ROBO1: variants seen among roughly 807,000 people sequenced by gnomAD.
ROBO1 encodes roundabout homolog 1.
In ROBO1, 149 loss-of-function variants were observed where a neutral mutation model predicts 195.9. The observed-to-expected ratio is 0.76, with a 90% confidence interval of 0.67 to 0.87. ROBO1 has a LOEUF of 0.87. Ranked by LOEUF, ROBO1 falls within the 40% of genes least tolerant of loss-of-function variation. ROBO1 has a pLI of 0.00. For missense variants in ROBO1, 1,933 were observed against 2,068.3 expected, an observed-to-expected ratio of 0.93 and a Z score of 1.27; for synonymous variants, 816 against 733.2, an observed-to-expected ratio of 1.11 and a Z score of -1.82.
chr3:79,327,119 G>A (rs986068552), intron 2 of ROBO1, among the ~76,000 whole-genome samples: 21 of 151,866 alleles, frequency 1.4e-4, no homozygotes, highest in African/African-American at 5.1e-4. Context: ...AAACAAATAG[G>A]AAGACTTAAG....
intron 2 of ROBO1, among the ~76,000 whole-genome samples, chr3:79,271,642 G>C (rs1411701122): frequency 6.6e-6 from 1 of 151,896 alleles, no homozygotes; most frequent in Non-Finnish European, 1.5e-5. Context: ...GAACTCCAGT[G>C]AAAATTAATC....
chr3:78,903,573 A>G (rs1010599000), intron 4 of ROBO1, among the ~76,000 whole-genome samples: 84 of 152,094 alleles, frequency 5.5e-4, no homozygotes, highest in African/African-American at 2.0e-3. Context: ...ACACACACAC[A>G]CACACACCTT....
intron 10 of ROBO1, among the ~76,000 whole-genome samples, chr3:78,677,208 A>G (rs1708491552): frequency 1.3e-5 from 2 of 152,228 alleles, no homozygotes; most frequent in South Asian, 2.1e-4. Context: ...AGTACCAGCC[A>G]CTGCAAAAAC....
At chr3:79,332,084 AG>A (rs1394971962) in intron 2 of ROBO1, among the ~76,000 whole-genome samples, 18 of 150,384 alleles carry the variant, frequency 1.2e-4, no homozygotes, top group African/African-American at 4.4e-4. Flanking sequence ...CGAAGCTTAC[AG>A]TGAGCCGAGA....
intron 3 of ROBO1, among the ~76,000 whole-genome samples, chr3:79,109,707 C>T (rs1483067354): frequency 6.6e-6 from 1 of 151,994 alleles, no homozygotes; most frequent in East Asian, 1.9e-4. Context: ...CCGAATAGCA[C>T]TAGAATTAAA....
intron 2 of ROBO1, among the ~76,000 whole-genome samples, chr3:79,482,082 GTAT>G (rs1389344018): frequency 6.6e-5 from 10 of 152,134 alleles, no homozygotes; most frequent in African/African-American, 2.4e-4. Flanking sequence ...ATTCAAATAT[GTAT>G]TATATTTACG....
chr3:79,071,392 G>A (rs1259081359), intron 3 of ROBO1, among the ~76,000 whole-genome samples: 1 of 150,728 alleles, frequency 6.6e-6, no homozygotes, highest in African/African-American at 2.4e-5. Context: ...GTATATTTTT[G>A]GTAATTTCTT....
intron 5 of ROBO1, among the ~76,000 whole-genome samples, chr3:78,741,363 T>C (rs1036163640): frequency 6.6e-6 from 1 of 152,164 alleles, no homozygotes; most frequent in African/African-American, 2.4e-5. Context: ...TTTGCTGAGA[T>C]AAAAATATTA....
chr3:79,306,561 G>A (rs1406984587), intron 2 of ROBO1, among the ~76,000 whole-genome samples: 2 of 152,056 alleles, frequency 1.3e-5, no homozygotes, highest in African/African-American at 4.8e-5. Flanking sequence ...CTGGGGCTCC[G>A]GCTTCTTTAC....
At chr3:79,530,307 G>T (rs1294970119) in intron 2 of ROBO1, among the ~76,000 whole-genome samples, 1 of 151,764 alleles carries the variant, frequency 6.6e-6, no homozygotes, top group South Asian at 2.1e-4. Context: ...AGGTACCACC[G>T]ACAATGACCC....
At chr3:79,740,439 T>C (rs1384417503) in intron 1 of ROBO1, among the ~76,000 whole-genome samples, 2 of 151,912 alleles carry the variant, frequency 1.3e-5, no homozygotes, top group African/African-American at 2.4e-5. Context: ...TATGAAGAAA[T>C]ACATGAGACT....
At chr3:79,754,339 G>A (rs549794351) in intron 1 of ROBO1, among the ~76,000 whole-genome samples, 57 of 152,292 alleles carry the variant, frequency 3.7e-4, no homozygotes, top group Admixed American at 1.2e-3. Flanking sequence ...TAACCTGAGG[G>A]TGGAAATCAC....
intron 30 of ROBO1, 122 bp downstream of exon 30, chr3:78,599,991 A>T (rs533049691): frequency 8.7e-6 from 7 of 804,842 alleles, no homozygotes; most frequent in Non-Finnish European, 1.5e-5. Flanking sequence ...GCCATCATAG[A>T]CATTAGAGTA....
intron 3 of ROBO1, among the ~76,000 whole-genome samples, chr3:79,054,786 C>T (rs1330020881): frequency 6.6e-6 from 1 of 152,102 alleles, no homozygotes; most frequent in Non-Finnish European, 1.5e-5. Flanking sequence ...ATGGAATCCC[C>T]CTGCCACAGA....
At chr3:79,445,786 C>G (rs1274620650) in intron 2 of ROBO1, among the ~76,000 whole-genome samples, 2 of 151,820 alleles carry the variant, frequency 1.3e-5, no homozygotes, top group African/African-American at 2.4e-5. Flanking sequence ...CTCAGCCTCC[C>G]GAGTAGCTGG....
intron 3 of ROBO1, among the ~76,000 whole-genome samples, chr3:79,123,072 AC>A (rs1490660176): frequency 2.0e-5 from 3 of 152,050 alleles, no homozygotes; most frequent in Non-Finnish European, 4.4e-5. Flanking sequence ...TCAATGACTT[AC>A]GTGAAAATTG....
intron 26 of ROBO1, among the ~76,000 whole-genome samples, chr3:78,626,669 G>A (rs550091224): frequency 6.6e-6 from 1 of 152,140 alleles, no homozygotes; most frequent in South Asian, 2.1e-4. Flanking sequence ...AATGCGAAGT[G>A]AAGCCATTGT....
At chr3:79,366,870 T>A (rs1384850129) in intron 2 of ROBO1, among the ~76,000 whole-genome samples, 1 of 140,036 alleles carries the variant, frequency 7.1e-6, no homozygotes, top group Non-Finnish European at 1.5e-5. Flanking sequence ...TTAAGAATAT[T>A]CTATATTAAG....
intron 4 of ROBO1, among the ~76,000 whole-genome samples, chr3:78,891,504 A>G (rs2036892947): frequency 6.6e-6 from 1 of 152,212 alleles, no homozygotes; most frequent in Non-Finnish European, 1.5e-5. Context: ...GCTGGTAGAA[A>G]TGGTACAATC....
Sources: allele counts gnomAD v4.1 joint callset (sites outside exome capture counted in the v4.1 genomes callset), GRCh38; gene constraint gnomAD v4.1.1; transcripts MANE v1.5; gene names NCBI Gene and HGNC (gene_info 2026-07-23, HGNC 2026-07-21).